ZZEF1: variants seen among roughly 807,000 people sequenced by gnomAD.
ZZEF1 encodes zinc finger ZZ-type and EF-hand domain containing 1, also known as zinc finger ZZ-type and EF-hand domain-containing protein 1.
ZZEF1 carries 157 observed loss-of-function variants against 342.8 expected under a neutral mutation model. That is an observed-to-expected ratio of 0.46 (90% CI 0.40 to 0.52). ZZEF1 has a LOEUF of 0.52. ZZEF1 is among the 20% of genes least tolerant of loss of function. ZZEF1 has a pLI of 0.00. For missense variants in ZZEF1, 3,480 were observed against 3,725.6 expected, an observed-to-expected ratio of 0.93 and a Z score of 1.72; for synonymous variants, 1,505 against 1,429.1, an observed-to-expected ratio of 1.05 and a Z score of -1.20.
intron 3 of ZZEF1, among the ~76,000 whole-genome samples, chr17:4,116,429 T>C (rs1004376901): frequency 2.0e-5 from 3 of 152,264 alleles, no homozygotes; most frequent in Admixed American, 6.5e-5. Context: ...TCTGGTACTA[T>C]GTTCTCACAT....
intron 24 of ZZEF1, among the ~76,000 whole-genome samples, chr17:4,073,311 T>C (rs1015466176): frequency 4.6e-5 from 7 of 152,240 alleles, no homozygotes; most frequent in African/African-American, 1.7e-4. Flanking sequence ...TTTTTCTATA[T>C]TTTACTTCTA....
At chr17:4,098,153 G>A (rs913883317) in intron 9 of ZZEF1, among the ~76,000 whole-genome samples, 8 of 150,706 alleles carry the variant, frequency 5.3e-5, no homozygotes, top group Admixed American at 2.0e-4. Flanking sequence ...CAGGAGAATC[G>A]CTTGAACCCG....
At chr17:4,052,325 G>C (rs2057066759) in intron 34 of ZZEF1, among the ~76,000 whole-genome samples, 189 bp from the exon 35 acceptor site, 1 of 152,186 alleles carries the variant, frequency 6.6e-6, no homozygotes, top group African/African-American at 2.4e-5. Flanking sequence ...TGAGACTCTT[G>C]GCACAGAATT....
At chr17:4,078,107 C>T in intron 18 of ZZEF1, 65 bp from the exon 19 acceptor site, 2 of 1,528,806 alleles carry the variant, frequency 1.3e-6, no homozygotes. Flanking sequence ...TAGCCAAGGG[C>T]ATCCTCTAAA....
chr17:4,079,154 T>A (rs2057676814), intron 18 of ZZEF1, among the ~76,000 whole-genome samples: 1 of 152,218 alleles, frequency 6.6e-6, no homozygotes. Context: ...GCCTATCTTA[T>A]CTAGCAGAAA....
chr17:4,104,929 G>A, intron 7 of ZZEF1, 118 bp from the exon 8 acceptor site: 2 of 811,238 alleles, frequency 2.5e-6, no homozygotes, highest in East Asian at 2.8e-5. Flanking sequence ...CTTTCTACAG[G>A]TTTATCCGAA....
intron 1 of ZZEF1, among the ~76,000 whole-genome samples, chr17:4,135,344 G>A (rs912903386): frequency 2.0e-5 from 3 of 152,042 alleles, no homozygotes; most frequent in African/African-American, 7.3e-5. Context: ...GGCGTAGTGA[G>A]GGGCACCTGT....
intron 16 of ZZEF1, among the ~76,000 whole-genome samples, chr17:4,083,762 C>T (rs186110669): frequency 2.2e-3 from 332 of 152,080 alleles, no homozygotes; most frequent in African/African-American, 7.7e-3. Context: ...TTCGACCTCC[C>T]GAGTAGCTGG....
chr17:4,088,919 T>A (rs763966228), intron 12 of ZZEF1, 26 bp from the exon 13 acceptor site: 2 of 1,607,916 alleles, frequency 1.2e-6, no homozygotes, highest in Admixed American at 1.7e-5. Flanking sequence ...GAGATTTCAA[T>A]AGAAGAACTC....
chr17:4,093,451 A>T (rs1034553918), intron 11 of ZZEF1, among the ~76,000 whole-genome samples: 1 of 152,242 alleles, frequency 6.6e-6, no homozygotes, highest in African/African-American at 2.4e-5. Context: ...GTTTTCCATC[A>T]ACGGTATTGT....
intron 52 of ZZEF1, among the ~76,000 whole-genome samples, chr17:4,010,205 C>CA (rs142781574): frequency 0.15 from 21,619 of 148,004 alleles, 1,871 homozygotes; most frequent in African/African-American, 0.25. Flanking sequence ...AAAAAACAAA[C>CA]AAAAAAAAAA....
In ZZEF1 at chr17:4,013,138, C is replaced by CA. The variant is rs1313273206; in HGVS notation, c.8579+310dup. ...GAATCAAGTGGAGATCCGAATGGAA[C>CA]AAAACTGACTTGATGCTTACCCCTT... On this transcript the variant is annotated intron_variant, in intron 52 of 54. Coordinates refer to ENST00000381638, the MANE Select transcript of ZZEF1 (RefSeq NM_015113.4). 6.1e-5 allele frequency among the ~76,000 whole-genome samples: 9 copies of CA among 148,328 alleles called. No individual in the cohort carries two copies. In the East Asian group the frequency reaches 1.8e-3, roughly 29 times the overall value.
chr17:4,073,888 A>G (rs1229517313), intron 24 of ZZEF1, among the ~76,000 whole-genome samples: 2 of 152,094 alleles, frequency 1.3e-5, no homozygotes, highest in Admixed American at 6.5e-5. Context: ...CAAAAAAATG[A>G]CAATGTTGCC....
chr17:4,008,328 G>A lies in ZZEF1; in HGVS notation c.8805+555C>T. 1.3e-5 allele frequency: 2 copies of A among 152,440 alleles called. No individual in the cohort carries two copies. The highest frequency in any genetic ancestry group is 2.9e-5 in the Non-Finnish European group (2 of 69,884). The allele number at this position is 152,440 out of a possible 1,614,324, so 9.4% of individuals were successfully genotyped here. On this transcript the variant is annotated intron_variant, in intron 54 of 54. Transcript: ENST00000381638. This position sits in a 1 kb window ranked among gnomAD's most constrained non-coding sequence, Gnocchi z 4.2. The stretch of plus-strand genomic sequence containing the variant: ...GAAAAGTTAGAGTCGTTTTTCACAA[G>A]ACGTGTTATTCATGTTAACATGAAA...
intron 45 of ZZEF1, among the ~76,000 whole-genome samples, chr17:4,020,579 C>T (rs181952501): frequency 2.8e-4 from 43 of 152,302 alleles, no homozygotes; most frequent in Admixed American, 1.6e-3. Context: ...TCAAGTGATC[C>T]TCCTGCCTCA....
intron 11 of ZZEF1, 104 bp from the exon 12 acceptor site, chr17:4,090,934 G>T: frequency 1.2e-6 from 1 of 825,110 alleles, no homozygotes; most frequent in Non-Finnish European, 2.0e-6. Context: ...TCTGTAGCCT[G>T]TCAGTGAACA....
At chr17:4,039,616 G>A (rs757374099) in intron 39 of ZZEF1, among the ~76,000 whole-genome samples, 1 of 151,488 alleles carries the variant, frequency 6.6e-6, no homozygotes, top group Non-Finnish European at 1.5e-5. Context: ...AGCAAATGAT[G>A]CTGGGAAGGC....
chr17:4,089,272 T>C (rs568494210), intron 12 of ZZEF1, among the ~76,000 whole-genome samples: 5 of 152,318 alleles, frequency 3.3e-5, no homozygotes, highest in East Asian at 1.9e-4. Flanking sequence ...CCAAGTGATA[T>C]AGGCAACCCC....
intron 1 of ZZEF1, among the ~76,000 whole-genome samples, chr17:4,135,329 A>G (rs2058731132): frequency 6.6e-6 from 1 of 152,150 alleles, no homozygotes. Context: ...CAAAAAAATT[A>G]GCCTGGCGTA....
Sources: allele counts gnomAD v4.1 joint callset (sites outside exome capture counted in the v4.1 genomes callset), GRCh38; gene constraint gnomAD v4.1.1; non-coding constraint Gnocchi (gnomAD v3.1); transcripts MANE v1.5; gene names NCBI Gene and HGNC (gene_info 2026-07-23, HGNC 2026-07-21).